RUNX2: variants seen among roughly 807,000 people sequenced by gnomAD.
The protein encoded by RUNX2 is runt-related transcription factor 2.
In RUNX2, 10 loss-of-function variants were observed where a neutral mutation model predicts 51.7. The ratio of observed to expected loss-of-function variants is 0.19; its 90% confidence interval spans 0.12 to 0.33. RUNX2 has a LOEUF of 0.33. RUNX2 is among the 10% of genes least tolerant of loss of function. The pLI, the probability that RUNX2 is intolerant of heterozygous loss-of-function variation, is 1.00. For synonymous variants in RUNX2, 276 were observed against 273.6 expected (o/e 1.01, Z -0.09); for missense variants, 562 against 691.3 (o/e 0.81, Z 2.10).
At chr6:45,378,113 C>G (rs933651049) in intron 2 of RUNX2, among the ~76,000 whole-genome samples, 1 of 152,108 alleles carries the variant, frequency 6.6e-6, no homozygotes. Flanking sequence ...GCCACGCTCG[C>G]CGGGGGCGGG....
chr6:45,407,402 C>T (rs1797860800), intron 2 of RUNX2, among the ~76,000 whole-genome samples: 1 of 152,116 alleles, frequency 6.6e-6, no homozygotes, highest in African/African-American at 2.4e-5. Flanking sequence ...CACCTTCATC[C>T]ATTAAAAAAA....
chr6:45,487,219 T>C (rs1341966554), intron 5 of RUNX2, among the ~76,000 whole-genome samples: 3 of 152,210 alleles, frequency 2.0e-5, no homozygotes, highest in African/African-American at 7.2e-5. Flanking sequence ...TGACTGCTGC[T>C]GAACTATTAT....
At chr6:45,523,832 T>TG (rs1378304963) in intron 7 of RUNX2, among the ~76,000 whole-genome samples, 1 of 151,768 alleles carries the variant, frequency 6.6e-6, no homozygotes, top group Admixed American at 6.6e-5. Flanking sequence ...CTCAGGAAGT[T>TG]GATGCAGGAG....
intron 2 of RUNX2, among the ~76,000 whole-genome samples, chr6:45,404,316 GA>G (rs113901838): frequency 7.7e-5 from 10 of 130,522 alleles, no homozygotes; most frequent in East Asian, 6.9e-4. Flanking sequence ...AAAGAAAAAA[GA>G]AAAAAAAGTA....
chr6:45,441,582 A>G (rs970313329), intron 5 of RUNX2, among the ~76,000 whole-genome samples: 44 of 152,216 alleles, frequency 2.9e-4, no homozygotes, highest in African/African-American at 1.0e-3. Context: ...CTTTAGTGTC[A>G]GACGTTGGCT....
intron 7 of RUNX2, among the ~76,000 whole-genome samples, chr6:45,528,853 A>C (rs1421649628): frequency 8.5e-5 from 13 of 152,266 alleles, no homozygotes; most frequent in African/African-American, 3.1e-4. Flanking sequence ...CTGTGGAGTC[A>C]GTACCCAAAC....
chr6:45,535,288 G>A (rs183217566), intron 7 of RUNX2, among the ~76,000 whole-genome samples: 1 of 152,228 alleles, frequency 6.6e-6, no homozygotes. Flanking sequence ...CGCGATTGTT[G>A]CTTCCCCAGC....
At chr6:45,372,288 G>A (rs1456442289) in intron 2 of RUNX2, among the ~76,000 whole-genome samples, 1 of 152,122 alleles carries the variant, frequency 6.6e-6, no homozygotes, top group Non-Finnish European at 1.5e-5. Context: ...CATACGTAAA[G>A]CCCTTAGTAA....
chr6:45,435,208 A>G (rs916150980), intron 4 of RUNX2, among the ~76,000 whole-genome samples: 9 of 152,142 alleles, frequency 5.9e-5, no homozygotes, highest in African/African-American at 2.2e-4. Context: ...TTGAAGGGTG[A>G]ATTTTATTTT....
At chr6:45,381,746 A>G (rs1797244619) in intron 2 of RUNX2, among the ~76,000 whole-genome samples, 1 of 152,190 alleles carries the variant, frequency 6.6e-6, no homozygotes, top group South Asian at 2.1e-4. Flanking sequence ...ACACATTTCA[A>G]AAGAAAAACC....
chr6:45,501,180 C>T (rs973251641), intron 6 of RUNX2, among the ~76,000 whole-genome samples: 5 of 152,168 alleles, frequency 3.3e-5, no homozygotes, highest in Non-Finnish European at 7.3e-5. Flanking sequence ...GAACACAATC[C>T]GCTAGCTATG....
chr6:45,366,491 T>A (rs1318934557), intron 2 of RUNX2, among the ~76,000 whole-genome samples: 1 of 152,174 alleles, frequency 6.6e-6, no homozygotes, highest in Non-Finnish European at 1.5e-5. Flanking sequence ...GCTATTGTAA[T>A]AAGCAGACCT....
At chr6:45,503,031 T>C (rs899074344) in intron 6 of RUNX2, among the ~76,000 whole-genome samples, 1 of 152,198 alleles carries the variant, frequency 6.6e-6, no homozygotes, top group African/African-American at 2.4e-5. Context: ...TAAAGCCCTC[T>C]TAACCTCCCT....
intron 2 of RUNX2, among the ~76,000 whole-genome samples, chr6:45,411,181 C>T (rs894180941): frequency 6.6e-5 from 10 of 152,052 alleles, no homozygotes; most frequent in Non-Finnish European, 4.4e-5. Flanking sequence ...TTTTCAAGAC[C>T]GCAAAGGTTT....
chr6:45,496,752 T>C (rs1563111836), intron 6 of RUNX2, among the ~76,000 whole-genome samples: 1 of 152,136 alleles, frequency 6.6e-6, no homozygotes, highest in African/African-American at 2.4e-5. Flanking sequence ...ACATGCATAA[T>C]AAAACCTGTT....
At chr6:45,443,663 C>T (rs1242656255) in intron 5 of RUNX2, among the ~76,000 whole-genome samples, 1 of 152,220 alleles carries the variant, frequency 6.6e-6, no homozygotes, top group Non-Finnish European at 1.5e-5. Context: ...ATCGTAGTGT[C>T]ATTCTGAATT....
chr6:45,485,695 G>A (rs71546644), intron 5 of RUNX2, among the ~76,000 whole-genome samples: 25,596 of 102,992 alleles, frequency 0.25, 4,070 homozygotes, highest in Non-Finnish European at 0.33. Context: ...GTGTGTGTGT[G>A]TGTATATATA....
At chr6:45,497,611 T>A (rs1800683719) in intron 6 of RUNX2, among the ~76,000 whole-genome samples, 1 of 152,186 alleles carries the variant, frequency 6.6e-6, no homozygotes, top group Non-Finnish European at 1.5e-5. Flanking sequence ...GTCAAGCCTC[T>A]TCCAACCTAT....
chr6:45,407,046 C>T (rs150870999), intron 2 of RUNX2, among the ~76,000 whole-genome samples: 1 of 152,308 alleles, frequency 6.6e-6, no homozygotes, highest in African/African-American at 2.4e-5. Context: ...AAACCCTGAT[C>T]TGATCTCTGA....
Sources: gnomAD v4.1 joint callset for allele counts (sites outside exome capture counted in the v4.1 genomes callset) on GRCh38, gnomAD v4.1.1 for gene constraint, MANE v1.5 for transcripts, NCBI Gene and HGNC (gene_info 2026-07-23, HGNC 2026-07-21) for gene names.